The following IRAK2 variants were observed in gnomAD, a reference collection of about 807,000 sequenced individuals.
IRAK2 encodes interleukin 1 receptor associated kinase 2, also known as interleukin-1 receptor-associated kinase-like 2.
Under a neutral mutation model 72.0 loss-of-function variants are expected in IRAK2, and 57 were observed. That is an observed-to-expected ratio of 0.79 (90% CI 0.64 to 0.99). The LOEUF (loss-of-function observed/expected upper bound fraction) is 0.99, where lower values mean the gene tolerates loss of function less well. IRAK2 is among the 50% of genes least tolerant of loss of function. The pLI is 0.00. For missense variants in IRAK2, 790 were observed against 794.4 expected (o/e 0.99, Z 0.07); for synonymous variants, 293 against 312.7 (o/e 0.94, Z 0.67).
chr3:10,233,342 G>A (rs957284224), intron 10 of IRAK2, among the ~76,000 whole-genome samples: 15 of 151,984 alleles, frequency 9.9e-5, no homozygotes, highest in African/African-American at 3.1e-4. Context: ...ATGAGGCACC[G>A]CACCTGGCCT....
intron 6 of IRAK2, among the ~76,000 whole-genome samples, chr3:10,215,257 G>A (rs758938210): frequency 1.1e-4 from 17 of 151,818 alleles, no homozygotes; most frequent in South Asian, 4.2e-4. Flanking sequence ...AGCCTGGTGT[G>A]TTGGCATGCA....
At chr3:10,208,224 C>T (rs1051550950) in intron 3 of IRAK2, among the ~76,000 whole-genome samples, 8 of 151,904 alleles carry the variant, frequency 5.3e-5, no homozygotes, top group African/African-American at 1.9e-4. Context: ...CCTCATTTCA[C>T]CATCTGCAAA....
At chr3:10,234,412 G>A (rs1347216981) in intron 10 of IRAK2, 47 bp from the exon 11 acceptor site, 2 of 1,551,322 alleles carry the variant, frequency 1.3e-6, no homozygotes, top group Admixed American at 3.3e-5. Flanking sequence ...GTTGGCTCTC[G>A]CAGCTCTGCA....
chr3:10,206,293 G>A (rs916100471), intron 3 of IRAK2, among the ~76,000 whole-genome samples: 3 of 152,136 alleles, frequency 2.0e-5, no homozygotes, highest in East Asian at 1.9e-4. Context: ...AGCATGGTCC[G>A]GATGCAGATG....
intron 2 of IRAK2, among the ~76,000 whole-genome samples, chr3:10,195,632 A>T (rs1270955472): frequency 6.6e-6 from 1 of 151,944 alleles, no homozygotes; most frequent in Non-Finnish European, 1.5e-5. Context: ...TGATGAGAAC[A>T]ATGAGGCTCA....
At chr3:10,175,908 A>AG (rs1238877242) in intron 1 of IRAK2, among the ~76,000 whole-genome samples, 7 of 150,640 alleles carry the variant, frequency 4.6e-5, no homozygotes, top group Non-Finnish European at 1.0e-4. Flanking sequence ...AAAAAAAAAA[A>AG]AAAAAGAAAA....
At chr3:10,165,834 C>T (rs1696677927) in intron 1 of IRAK2, among the ~76,000 whole-genome samples, 1 of 149,264 alleles carries the variant, frequency 6.7e-6, no homozygotes, top group Admixed American at 6.8e-5. Context: ...GGGTTCACGC[C>T]ATTCTCCTGC....
chr3:10,188,188 A>T (rs1697108672), intron 2 of IRAK2, among the ~76,000 whole-genome samples: 1 of 152,202 alleles, frequency 6.6e-6, no homozygotes, highest in African/African-American at 2.4e-5. Flanking sequence ...CTGAGCCTGT[A>T]GATGGTGGGG....
At chr3:10,198,346 CCACCCTGGGGAAGTCAGTGAT>C (rs1697305142) in intron 2 of IRAK2, among the ~76,000 whole-genome samples, 1 of 152,258 alleles carries the variant, frequency 6.6e-6, no homozygotes, top group Non-Finnish European at 1.5e-5. Context: ...CCAACTCCTC[CCACCCTGGGGAAGTCAGTGAT>C]CACCCCTTTG....
At chr3:10,226,526 C>A in intron 10 of IRAK2, 93 bp downstream of exon 10, 1 of 1,010,402 alleles carries the variant, frequency 9.9e-7, no homozygotes, top group Non-Finnish European at 1.5e-6. Flanking sequence ...TAGTTTTACA[C>A]ATGCAAATGA....
At position 10,178,023 on chromosome 3, in the gene IRAK2, G is replaced by A. The variant is rs747137690; in HGVS notation, c.277+3G>A. On this transcript the variant is annotated splice_donor_region_variant and intron_variant, in intron 2 of 12. Coordinates refer to ENST00000256458, the MANE Select transcript of IRAK2 (RefSeq NM_001570.4). The stretch of plus-strand genomic sequence containing the variant: ...GGCTGCCCAGATCATCCTGAACTGT[G>A]AGTAACTCAGGGCCCTCCTTGAGTG... 1 of 1,599,188 alleles carries A rather than the reference G, an allele frequency of 6.3e-7. No individual in the cohort carries two copies. The highest frequency in any genetic ancestry group is 1.1e-5 in the South Asian group (1 of 89,148).
chr3:10,221,247 A>ATTT (rs1697686290), intron 8 of IRAK2, among the ~76,000 whole-genome samples: 4 of 137,690 alleles, frequency 2.9e-5, no homozygotes, highest in African/African-American at 1.1e-4. Context: ...CAAAAAAAAA[A>ATTT]ATTTTTTTTT....
At chr3:10,167,120 G>A (rs1277353621) in intron 1 of IRAK2, among the ~76,000 whole-genome samples, 1 of 152,084 alleles carries the variant, frequency 6.6e-6, no homozygotes. Flanking sequence ...GCTTTACTGA[G>A]ATATTCACAT....
At chr3:10,213,586 C>T in intron 6 of IRAK2, 38 bp downstream of exon 6, 1 of 1,493,260 alleles carries the variant, frequency 6.7e-7, no homozygotes, top group Admixed American at 1.7e-5. Context: ...TGATAGCTAA[C>T]CTTTATATAG....
intron 6 of IRAK2, among the ~76,000 whole-genome samples, chr3:10,215,703 TC>T (rs1697594203): frequency 6.6e-6 from 1 of 151,992 alleles, no homozygotes; most frequent in African/African-American, 2.4e-5. Context: ...TGATATGTTT[TC>T]TTTAATGCTT....
intron 4 of IRAK2, among the ~76,000 whole-genome samples, chr3:10,212,490 AGTGCTGAGCTCG>A (rs990663506): frequency 5.3e-5 from 8 of 152,148 alleles, no homozygotes; most frequent in Non-Finnish European, 1.0e-4. Context: ...TTAGACCAAG[AGTGCTGAGCTCG>A]GCCACTGACC....
Position 10,165,762 on chromosome 3 carries a change from A to G in IRAK2, c.94+714A>G, listed in dbSNP as rs764485374. Among the ~76,000 whole-genome samples, 38 of 102,706 alleles carry G rather than the reference A, an allele frequency of 3.7e-4. No individual in the cohort carries two copies. In the East Asian group the frequency reaches 4.1e-3, roughly 11 times the overall value. The allele number at this position is 102,706 out of a possible 152,430, so 67.4% of individuals were successfully genotyped here. A position where few individuals can be genotyped will look rare whatever the true frequency, so the allele number is the denominator to read the frequency against. The stretch of plus-strand genomic sequence containing the variant: ...TTTTTTTTTTTTAAGACGGAGTCTC[A>G]CTCTGTCGCCCAGGCTGGAGTGCAG... On this transcript the variant is annotated intron_variant, in intron 1 of 12. Transcript: ENST00000256458.
intron 3 of IRAK2, among the ~76,000 whole-genome samples, chr3:10,209,061 C>T (rs554238811): frequency 6.6e-6 from 1 of 152,198 alleles, no homozygotes; most frequent in South Asian, 2.1e-4. Context: ...GGTCAGGTGC[C>T]ACTTCCTCTG....
At chr3:10,219,871 C>T (rs1297944006) in intron 8 of IRAK2, 82 bp downstream of exon 8, 12 of 859,248 alleles carry the variant, frequency 1.4e-5, no homozygotes, top group South Asian at 5.6e-5. Context: ...CCTCCCGCTC[C>T]GCCACTCACC....
Sources: gnomAD v4.1 joint callset for allele counts (sites outside exome capture counted in the v4.1 genomes callset) on GRCh38, gnomAD v4.1.1 for gene constraint, MANE v1.5 for transcripts, NCBI Gene and HGNC (gene_info 2026-07-23, HGNC 2026-07-21) for gene names.